The following ZNF577 variants were observed in gnomAD, a reference collection of about 807,000 sequenced individuals.
ZNF577 encodes the protein zinc finger protein 577.
Under a neutral mutation model 13.9 loss-of-function variants are expected in ZNF577, and 14 were observed. The ratio of observed to expected loss-of-function variants is 1.00; its 90% CI spans 0.66 to 1.57. The LOEUF (loss-of-function observed/expected upper bound fraction) is 1.57, where lower values mean the gene tolerates loss of function less well. ZNF577 is among the 40% of genes most tolerant of loss of function. The pLI is 0.00. For synonymous variants in ZNF577, 203 were observed against 202.9 expected (o/e 1.00, Z 0.00); for missense variants, 555 against 579.2 (o/e 0.96, Z 0.43).
At chr19:51,848,067 G>A (rs1013870434) in intron 5 of ZNF577, among the ~76,000 whole-genome samples, 1 of 152,192 alleles carries the variant, frequency 6.6e-6, no homozygotes, top group Non-Finnish European at 1.5e-5. Context: ...AGCCATTCTA[G>A]GCGACCGGAT....
At position 51,883,711 on chromosome 19, in the gene ZNF577, A is replaced by G. The variant is rs560925170; in HGVS notation, c.-218-2834T>C. Among the ~76,000 whole-genome samples, 7 of 152,336 alleles carry G rather than the reference A, an allele frequency of 4.6e-5. No homozygotes were observed. In the South Asian group the frequency reaches 1.4e-3, roughly 32 times the overall value. ...ACATCATTTGGATCATGATTCAAACAATCCAATGTTAAAAGACAATGATGA... is the reference window on the plus strand; with the variant it reads ...ACATCATTTGGATCATGATTCAAACGATCCAATGTTAAAAGACAATGATGA... On this transcript the variant is annotated intron_variant, in intron 1 of 5. Transcript: ENST00000638348.
At chr19:51,839,074 A>T (rs934903221) in intron 9 of ZNF577, among the ~76,000 whole-genome samples, 1 of 152,228 alleles carries the variant, frequency 6.6e-6, no homozygotes, top group East Asian at 1.9e-4. Context: ...CACCATTCCA[A>T]TAATCTTCAA....
intron 9 of ZNF577, chr19:51,823,927 A>T: frequency 6.2e-7 from 1 of 1,614,032 alleles, no homozygotes; most frequent in Non-Finnish European, 8.5e-7. Flanking sequence ...CGCACAGTCA[A>T]CACCATCTGT....
chr19:51,873,735 C>T (rs749524429), intron 5 of ZNF577, 29 bp from the exon 6 acceptor site: 6 of 1,515,160 alleles, frequency 4.0e-6, no homozygotes, highest in African/African-American at 1.4e-5. Context: ...TTTTACAATG[C>T]GAGCCAAACT....
rs763651558 is a variant in ZNF577 at position 51,871,284 on chromosome 19, AT to A, written c.*1247del. On this transcript the variant is annotated 3_prime_UTR_variant, in exon 6 of 6. Transcript: ENST00000638348. Reference sequence around the variant, plus strand: ...CACACCACCATGTCCAGCTATTATTATTTTTTTTTTTTTTTGTAGAGGTAGT... The same window carrying A: ...CACACCACCATGTCCAGCTATTATTATTTTTTTTTTTTTTGTAGAGGTAGT... 1.6e-3 allele frequency: 201 copies of A among 126,774 alleles called. No individual in the cohort carries two copies. Among genetic ancestry groups the A allele is most frequent in the Middle Eastern group, 4.0e-3 (1 of 250 alleles). The allele number at this position is 126,774 out of a possible 1,614,324, so 7.9% of individuals were successfully genotyped here.
At chr19:51,878,180 G>C (rs1176920895) in intron 4 of ZNF577, 1 of 333,902 alleles carries the variant, frequency 3.0e-6, no homozygotes, top group Non-Finnish European at 5.4e-6. Context: ...AGTGTTGGTG[G>C]CTGCATAACA....
chr19:51,855,002 T>C (rs921854118), intron 5 of ZNF577, among the ~76,000 whole-genome samples: 2 of 152,182 alleles, frequency 1.3e-5, no homozygotes, highest in Admixed American at 1.3e-4. Context: ...TCCTTGAACA[T>C]AGTTAACATA....
At chr19:51,877,839 C>A (rs2084790828) in intron 4 of ZNF577, 1 of 156,838 alleles carries the variant, frequency 6.4e-6, no homozygotes, top group Non-Finnish European at 1.4e-5. Context: ...TTCACAAGCG[C>A]TAAAACATGG....
chr19:51,887,192 T>A lies in ZNF577; in HGVS notation c.-590A>T, dbSNP rs1379705382. Reference sequence around the variant, plus strand: ...AAAATATTGGGTTAATAGAAATCCATCACATGTTCCTGAAAGTGTTGTATC... The same window carrying A: ...AAAATATTGGGTTAATAGAAATCCAACACATGTTCCTGAAAGTGTTGTATC... On this transcript the variant is annotated 5_prime_UTR_variant, in exon 1 of 6. An upstream start codon of the reference 5' UTR is lost. Transcript: ENST00000638348. 1 of 152,178 alleles carries A rather than the reference T, an allele frequency of 6.6e-6. No individual in the cohort carries two copies. Among genetic ancestry groups the A allele is most frequent in the Non-Finnish European group, 1.5e-5 (1 of 68,042 alleles). 9.4% of individuals were successfully genotyped at this position (152,178 alleles called of 1,614,324 possible).
chr19:51,864,380 T>C (rs117246882), downstream of ZNF577, among the ~76,000 whole-genome samples: 7,775 of 152,144 alleles, frequency 0.051, 288 homozygotes, highest in Non-Finnish European at 0.077. Context: ...CACTGACTCC[T>C]GCCCCTGACT....
At chr19:51,860,944 CT>C in intron 5 of ZNF577, 1 of 420,614 alleles carries the variant, frequency 2.4e-6, no homozygotes, top group Non-Finnish European at 4.6e-6. Context: ...CCTGCATTCC[CT>C]CCATCTGTAG....
intron 9 of ZNF577, among the ~76,000 whole-genome samples, chr19:51,818,723 A>C (rs555478476): frequency 1.2e-3 from 186 of 152,324 alleles, no homozygotes; most frequent in African/African-American, 3.9e-3. Flanking sequence ...ATGGTCAGGG[A>C]ATCAAGGAGT....
intron 5 of ZNF577, among the ~76,000 whole-genome samples, chr19:51,859,151 A>G (rs2084471000): frequency 6.6e-6 from 1 of 152,202 alleles, no homozygotes. Context: ...TCATTCATGC[A>G]ACATGTCATC....
intron 9 of ZNF577, among the ~76,000 whole-genome samples, chr19:51,815,786 A>C (rs2084131143): frequency 6.6e-6 from 1 of 151,524 alleles, no homozygotes; most frequent in Non-Finnish European, 1.5e-5. Context: ...CCTTGAGCCC[A>C]GGGAAGTGGA....
chr19:51,877,719 A>G (rs1304121430), intron 4 of ZNF577: 1 of 196,706 alleles, frequency 5.1e-6, no homozygotes, highest in Non-Finnish European at 1.0e-5. Flanking sequence ...AAAAATTAAC[A>G]ATGGAATGAC....
intron 9 of ZNF577, among the ~76,000 whole-genome samples, chr19:51,838,724 A>G (rs2084302547): frequency 6.6e-6 from 1 of 151,476 alleles, no homozygotes; most frequent in Non-Finnish European, 1.5e-5. Context: ...TATCCATACT[A>G]TGCAGTTCAA....
chr19:51,877,620 T>C, intron 4 of ZNF577: 1 of 360,076 alleles, frequency 2.8e-6, no homozygotes. Flanking sequence ...AAAATAACAA[T>C]TGTTGGCAAA....
intron 5 of ZNF577, among the ~76,000 whole-genome samples, chr19:51,848,839 G>C (rs1175194643): frequency 1.3e-5 from 2 of 152,080 alleles, no homozygotes; most frequent in African/African-American, 4.8e-5. Flanking sequence ...GTAAGGAGTT[G>C]TACATCTAAG....
At chr19:51,882,424 G>A (rs10410393) in intron 1 of ZNF577, among the ~76,000 whole-genome samples, 16,872 of 151,132 alleles carry the variant, frequency 0.11, 1,556 homozygotes, top group South Asian at 0.27. Context: ...AATTAAAGAG[G>A]AATTTTCTTA....
Sources: gnomAD v4.1 joint callset for allele counts (sites outside exome capture counted in the v4.1 genomes callset) on GRCh38, gnomAD v4.1.1 for gene constraint, MANE v1.5 for transcripts, NCBI Gene and HGNC (gene_info 2026-07-23, HGNC 2026-07-21) for gene names.